Variants in TBX15 observed in about 807,000 individuals in gnomAD.
The protein encoded by TBX15 is T-box transcription factor 15.
Under a neutral mutation model 53.9 loss-of-function variants are expected in TBX15, and 18 were observed. The ratio of observed to expected loss-of-function variants is 0.33; its 90% CI spans 0.23 to 0.49. The LOEUF is 0.49. Ranked by LOEUF, TBX15 falls within the 20% of genes least tolerant of loss-of-function variation. The pLI is 0.98. For missense variants in TBX15, 692 were observed against 749.5 expected (o/e 0.92, Z 0.90); for synonymous variants, 295 against 278.0 (o/e 1.06, Z -0.61).
intron 1 of TBX15, among the ~76,000 whole-genome samples, chr1:118,975,252 T>C (rs930395377): frequency 2.6e-5 from 4 of 152,210 alleles, no homozygotes; most frequent in African/African-American, 4.8e-5. Flanking sequence ...CCAAAGACCA[T>C]GGCTTAGAAA....
intron 1 of TBX15, among the ~76,000 whole-genome samples, chr1:118,963,815 A>G (rs545726124): frequency 6.6e-6 from 1 of 152,370 alleles, no homozygotes; most frequent in East Asian, 1.9e-4. Flanking sequence ...GCTTTAGCCA[A>G]GTGGACTTTT....
At chr1:118,934,237 G>T in intron 1 of TBX15, among the ~76,000 whole-genome samples, 1 of 152,130 alleles carries the variant, frequency 6.6e-6, no homozygotes. Flanking sequence ...CACCTCTAAT[G>T]ACCTGAATGT....
chr1:118,939,439 A>AAAAAAAAAAAC (rs1656089663), intron 1 of TBX15, among the ~76,000 whole-genome samples: 1 of 139,892 alleles, frequency 7.1e-6, no homozygotes, highest in Non-Finnish European at 1.5e-5. Context: ...AAAAAAAACA[A>AAAAAAAAAAAC]AAACAGGAAC....
At chr1:118,939,433 A>AAAAAAAAAAAAAAAAAAAAG in intron 1 of TBX15, among the ~76,000 whole-genome samples, 1 of 74,836 alleles carries the variant, frequency 1.3e-5, no homozygotes, top group Non-Finnish European at 2.6e-5. Context: ...AAAAAAAAAA[A>AAAAAAAAAAAAAAAAAAAAG]AAACAAAAAC....
At chr1:118,923,696 AG>A in intron 4 of TBX15, 93 bp from the exon 5 acceptor site, 3 of 1,470,824 alleles carry the variant, frequency 2.0e-6, no homozygotes, top group Non-Finnish European at 1.9e-6. Context: ...GAAGCACTAT[AG>A]GAAAAGCACA....
intron 7 of TBX15, among the ~76,000 whole-genome samples, chr1:118,886,662 A>G (rs1297903645): frequency 6.6e-6 from 1 of 152,228 alleles, no homozygotes; most frequent in Non-Finnish European, 1.5e-5. Context: ...AGTACTCAGA[A>G]TAGTCTTTCC....
chr1:118,895,744 T>C (rs1357269239), intron 7 of TBX15, among the ~76,000 whole-genome samples: 2 of 150,826 alleles, frequency 1.3e-5, no homozygotes, highest in African/African-American at 5.0e-5. Flanking sequence ...GACCATATAC[T>C]TGACTTATAA....
intron 1 of TBX15, among the ~76,000 whole-genome samples, chr1:118,967,756 T>C (rs1268580399): frequency 6.6e-6 from 1 of 152,236 alleles, no homozygotes; most frequent in Non-Finnish European, 1.5e-5. Context: ...TTAACCTGCA[T>C]AAAATTAAAT....
intron 1 of TBX15, among the ~76,000 whole-genome samples, chr1:118,986,462 A>G (rs547722195): frequency 3.3e-5 from 5 of 152,372 alleles, no homozygotes; most frequent in African/African-American, 1.2e-4. Flanking sequence ...TCACCCGCTA[A>G]TCGCATTATT....
intron 1 of TBX15, among the ~76,000 whole-genome samples, chr1:118,941,241 C>T (rs1045496980): frequency 6.6e-6 from 1 of 152,144 alleles, no homozygotes; most frequent in Non-Finnish European, 1.5e-5. Context: ...TCTCCAAAGG[C>T]CTTACAAGCA....
Position 118,923,396 on chromosome 1 carries a change from A to C in TBX15, c.861+40T>G, listed in dbSNP as rs1655490600. ...AGGAATCTTATGCAGAAGGACCAAA[A>C]AACAGATGTAGCAGAAGACTCTCAA... On this transcript the variant is annotated intron_variant, in intron 5 of 7. Transcript: ENST00000369429. 6 of 1,613,010 alleles carry C rather than the reference A, an allele frequency of 3.7e-6. No individual in the cohort carries two copies. In the Middle Eastern group the frequency reaches 8.3e-4, roughly 222 times the overall value.
intron 1 of TBX15, among the ~76,000 whole-genome samples, chr1:118,981,921 C>G (rs1373863168): frequency 6.6e-6 from 1 of 152,202 alleles, no homozygotes; most frequent in Non-Finnish European, 1.5e-5. Context: ...CAAAAATAAA[C>G]TACACGGATG....
chr1:118,965,699 T>G (rs1657015142), intron 1 of TBX15, among the ~76,000 whole-genome samples: 1 of 151,928 alleles, frequency 6.6e-6, no homozygotes, highest in African/African-American at 2.4e-5. Context: ...ATAAACATTA[T>G]GAAAGATCCA....
intron 1 of TBX15, among the ~76,000 whole-genome samples, chr1:118,976,366 A>G (rs952373152): frequency 1.3e-5 from 2 of 152,146 alleles, no homozygotes; most frequent in Non-Finnish European, 2.9e-5. Context: ...GCTTCAACTA[A>G]CTGGGGCAAC....
chr1:118,971,141 C>T (rs1480875333), intron 1 of TBX15, among the ~76,000 whole-genome samples: 1 of 152,180 alleles, frequency 6.6e-6, no homozygotes, highest in African/African-American at 2.4e-5. Flanking sequence ...GAGGTTCCCA[C>T]AATCTAATTA....
intron 6 of TBX15, among the ~76,000 whole-genome samples, chr1:118,899,432 G>A (rs1654543332): frequency 6.6e-6 from 1 of 152,150 alleles, no homozygotes; most frequent in African/African-American, 2.4e-5. Context: ...TAAAGGTCAA[G>A]GCCACTAATA....
intron 7 of TBX15, among the ~76,000 whole-genome samples, chr1:118,897,097 A>T (rs1204551682): frequency 6.6e-6 from 1 of 152,212 alleles, no homozygotes; most frequent in Admixed American, 6.5e-5. Flanking sequence ...ATAACCCTTC[A>T]TACTGGTAAA....
chr1:118,914,526 G>A (rs1048658781), intron 5 of TBX15, among the ~76,000 whole-genome samples: 22 of 152,132 alleles, frequency 1.4e-4, no homozygotes, highest in Non-Finnish European at 7.4e-5. Context: ...CATGACACAC[G>A]GGAGGCACTT....
In TBX15 at chr1:118,939,407, C is replaced by CAAAAAAAAAAAAAAAAAAAAAAAA. The variant is rs869094141; in HGVS notation, c.206-7599_206-7576dup. On this transcript the variant is annotated intron_variant, in intron 1 of 7. Transcript: ENST00000369429. ...AGGGCAACAGAATGAGATCTAGTCT[C>CAAAAAAAAAAAAAAAAAAAAAAAA]AAAAAAAAAAAAAAAAAAAAAAAAA... is the stretch of plus-strand genomic sequence containing the variant. Among the ~76,000 whole-genome samples the CAAAAAAAAAAAAAAAAAAAAAAAA allele has an allele frequency of 1.2e-3, 11 of 8,870 alleles. 3 individuals are homozygous for CAAAAAAAAAAAAAAAAAAAAAAAA. The highest frequency in any genetic ancestry group is 1.9e-3 in the Admixed American group (1 of 530). The allele number at this position is 8,870 out of a possible 152,430, so 5.8% of individuals were successfully genotyped here.
Sources: allele counts gnomAD v4.1 joint callset (sites outside exome capture counted in the v4.1 genomes callset), GRCh38; gene constraint gnomAD v4.1.1; transcripts MANE v1.5; gene names NCBI Gene and HGNC (gene_info 2026-07-23, HGNC 2026-07-21).